Variants in FBXO38 observed in about 807,000 individuals in gnomAD.
The protein encoded by FBXO38 is F-box protein 38.
Under a neutral mutation model 131.9 loss-of-function variants are expected in FBXO38, and 53 were observed. The ratio of observed to expected loss-of-function variants is 0.40; its 90% CI spans 0.32 to 0.51. The LOEUF (loss-of-function observed/expected upper bound fraction) is 0.51. FBXO38 is among the 20% of genes least tolerant of loss of function. FBXO38 has a pLI of 0.53. For synonymous variants in FBXO38, 452 were observed against 505.6 expected (o/e 0.89, Z 1.42); for missense variants, 1,076 against 1,475.6 (o/e 0.73, Z 4.44).
chr5:148,389,235 A>G (rs1295349117), intron 1 of FBXO38, among the ~76,000 whole-genome samples: 2 of 152,342 alleles, frequency 1.3e-5, no homozygotes, highest in East Asian at 1.9e-4. Context: ...CGTAACACAT[A>G]TAATAATAAT....
At chr5:148,411,661 C>G (rs575999360) in intron 9 of FBXO38, among the ~76,000 whole-genome samples, 1 of 152,106 alleles carries the variant, frequency 6.6e-6, no homozygotes, top group African/African-American at 2.4e-5. Context: ...TTTCACAGTA[C>G]TCATTAATAT....
intron 5 of FBXO38, among the ~76,000 whole-genome samples, chr5:148,402,943 A>G (rs1752245924): frequency 6.6e-6 from 1 of 152,116 alleles, no homozygotes; most frequent in Admixed American, 6.6e-5. Context: ...GCATTATTCT[A>G]GGTATTGGGG....
In FBXO38 at chr5:148,441,111, AT is replaced by A. The variant is rs753654216; in HGVS notation, c.3275-10del. ...CTCCCACGCCAGTTAGCAATGTTAC[AT>A]TTGTCTTTTAGGTGTTGTGGATGGA... On this transcript the variant is annotated splice_polypyrimidine_tract_variant and intron_variant, in intron 20 of 21. Transcript: ENST00000340253. 1 of 1,601,206 alleles carries A rather than the reference AT, an allele frequency of 6.2e-7. No homozygotes were observed. Among genetic ancestry groups the A allele is most frequent in the Non-Finnish European group, 8.6e-7 (1 of 1,168,438 alleles).
intron 18 of FBXO38, among the ~76,000 whole-genome samples, chr5:148,439,112 G>A (rs1027040524): frequency 2.0e-5 from 3 of 152,088 alleles, no homozygotes; most frequent in Non-Finnish European, 2.9e-5. Context: ...CTTCCCTCAA[G>A]GAGTTTGCCT....
At position 148,433,638 on chromosome 5, in the gene FBXO38, C is replaced by A; in HGVS notation, c.2758C>A (p.Leu920Ile). Residue 920 changes from leucine to isoleucine, a missense_variant, in exon 17 of 22, where the codon CTT becomes ATT. Leu to Ile is a conservative substitution (Grantham distance 5). Coordinates refer to ENST00000340253, the MANE Select transcript of FBXO38 (RefSeq NM_205836.3). ...TTTCTAATTTTTCTGCTTGTAGGTT[C>A]TTGTATTAAAATCCAAGAATCTTGT... ...PVIEDDHVQVLVLKSKNLVGV... is the reference protein window; with the variant it reads ...PVIEDDHVQVIVLKSKNLVGV... 6.3e-7 allele frequency: 1 copy of A among 1,596,774 alleles called. No homozygotes were observed. The highest frequency in any genetic ancestry group is 8.5e-7 in the Non-Finnish European group (1 of 1,172,408).
At chr5:148,404,653 CT>C (rs762217951) in intron 5 of FBXO38, 31 bp from the exon 6 acceptor site, 1 of 1,500,516 alleles carries the variant, frequency 6.7e-7, no homozygotes, top group Non-Finnish European at 8.9e-7. Flanking sequence ...TGATTTTTTT[CT>C]TGTTTGTTCT....
intron 15 of FBXO38, chr5:148,430,952 C>T (rs947556968): frequency 2.6e-5 from 4 of 152,172 alleles, no homozygotes; most frequent in African/African-American, 9.7e-5. Flanking sequence ...TAAACACTTT[C>T]CCTGACACCC....
chr5:148,400,989 C>T (rs1407299311), intron 3 of FBXO38, among the ~76,000 whole-genome samples: 1 of 152,088 alleles, frequency 6.6e-6, no homozygotes, highest in Admixed American at 6.6e-5. Flanking sequence ...ACCAAGTAAT[C>T]TCTGGTCTCT....
chr5:148,400,423 A>G (rs79077729), intron 3 of FBXO38, among the ~76,000 whole-genome samples: 4,034 of 152,240 alleles, frequency 0.026, 171 homozygotes, highest in African/African-American at 0.091. Flanking sequence ...TAGTCTTACC[A>G]TTAACATCAC....
At chr5:148,420,292 T>G (rs1753337089) in intron 12 of FBXO38, among the ~76,000 whole-genome samples, 1 of 151,930 alleles carries the variant, frequency 6.6e-6, no homozygotes, top group African/African-American at 2.4e-5. Flanking sequence ...TCAGCTGATT[T>G]TTCAAAAAAT....
chr5:148,414,785 A>G (rs1752959342), intron 10 of FBXO38, among the ~76,000 whole-genome samples: 1 of 152,148 alleles, frequency 6.6e-6, no homozygotes, highest in Non-Finnish European at 1.5e-5. Flanking sequence ...AATCTCCTAT[A>G]TGTAGAAGTG....
chr5:148,427,825 A>T lies in FBXO38; in HGVS notation c.2531A>T (p.Glu844Val). ...GGGAGTGGCTCTGGGGCTACAGGTG[A>T]GGACAGGAGGGGGAGCTCCCAGCCT... ...TNGSGSGATG[E>V]DRRGSSQPES... Residue 844 changes from glutamate to valine, a missense_variant, in exon 15 of 22, where the codon GAG becomes GTG. Physicochemically the swap from Glu to Val is moderately radical, Grantham distance 121 (BLOSUM62 -2). This residue lies in a region of FBXO38 where 213 missense variants were observed against 225.2 expected (regional missense o/e 0.95). Transcript: ENST00000340253. 6.2e-7 allele frequency: 1 copy of T among 1,605,584 alleles called. No individual in the cohort carries two copies. The highest frequency in any genetic ancestry group is 2.2e-5 in the East Asian group (1 of 44,852).
chr5:148,394,155 A>G (rs1307829551), intron 1 of FBXO38, among the ~76,000 whole-genome samples: 2 of 152,188 alleles, frequency 1.3e-5, no homozygotes, highest in Non-Finnish European at 2.9e-5. Flanking sequence ...TCTAGTTTTT[A>G]TCAGATTCAC....
intron 14 of FBXO38, 96 bp from the exon 15 acceptor site, chr5:148,427,117 A>G (rs1753753469): frequency 2.9e-6 from 4 of 1,400,282 alleles, no homozygotes; most frequent in South Asian, 2.9e-5. Flanking sequence ...TTTAGTATAC[A>G]TTATTTCCTG....
intron 8 of FBXO38, chr5:148,410,407 T>TG: frequency 1.9e-6 from 1 of 524,174 alleles, no homozygotes; most frequent in East Asian, 3.5e-5. Context: ...AAATGTGACT[T>TG]GCTGCCATCA....
In FBXO38 at chr5:148,438,956, A is replaced by G. The variant is rs78684963; in HGVS notation, c.3024+458A>G. On this transcript the variant is annotated intron_variant, in intron 18 of 21. Transcript: ENST00000340253. ...TATTGTATATAAGGTTCTGTGCTTA[A>G]TGCCAAAAGAGGGTTTAAAGGAAAT... Among the ~76,000 whole-genome samples the G allele has an allele frequency of 2.4e-3, 368 of 152,306 alleles. 1 individual carries two copies. The highest frequency in any genetic ancestry group is 8.5e-3 in the African/African-American group (355 of 41,572).
chr5:148,421,081 C>T lies in FBXO38; in HGVS notation c.1619-2917C>T, dbSNP rs182901029. 2.5e-3 allele frequency among the ~76,000 whole-genome samples: 379 copies of T among 152,188 alleles called. 1 individual carries two copies. The highest frequency in any genetic ancestry group is 4.6e-3 in the Non-Finnish European group (312 of 68,000). The stretch of plus-strand genomic sequence containing the variant: ...TCCTGGGTTCAAGCGATTCTCCTGC[C>T]TCAGCCTCCCGATTAGCTGGGACTA... On this transcript the variant is annotated intron_variant, in intron 12 of 21. Coordinates refer to ENST00000340253, the MANE Select transcript of FBXO38 (RefSeq NM_205836.3).
At position 148,414,197 on chromosome 5, in the gene FBXO38, T is replaced by C. The variant is rs1581256078; in HGVS notation, c.1155T>C (p.Gly385=). The C allele has an allele frequency of 1.2e-6, 2 of 1,612,810 alleles. No homozygotes were observed. Among genetic ancestry groups the C allele is most frequent in the Non-Finnish European group, 1.7e-6 (2 of 1,179,536 alleles). The change falls in exon 10 of 22, where the codon GGT becomes GGC. Residue 385 remains glycine, a synonymous_variant. Coordinates refer to ENST00000340253, the MANE Select transcript of FBXO38 (RefSeq NM_205836.3). ...YGLADVVENP[G]IITDIGMKAV... is the part of the protein sequence containing the mutation. ...TGGCTGATGTGGTAGAAAATCCTGG[T>C]ATCATCACTGATATAGGGATGAAAG... is the stretch of plus-strand genomic sequence containing the variant.
At chr5:148,430,158 A>ATTTTTT (rs58165137) in intron 15 of FBXO38, 1 of 120,560 alleles carries the variant, frequency 8.3e-6, no homozygotes, top group African/African-American at 3.7e-5. Context: ...TATTATTATT[A>ATTTTTT]TTTTTTTTTT....
Sources: allele counts gnomAD v4.1 joint callset (sites outside exome capture counted in the v4.1 genomes callset), GRCh38; gene constraint gnomAD v4.1.1; regional missense constraint gnomAD v4.1.1; transcripts MANE v1.5; gene names NCBI Gene and HGNC (gene_info 2026-07-23, HGNC 2026-07-21).